PCDHA8: variants seen among roughly 807,000 people sequenced by gnomAD.
The protein encoded by PCDHA8 is protocadherin alpha 8.
In PCDHA8, 53 loss-of-function variants were observed where a neutral mutation model predicts 61.8. That is an observed-to-expected ratio of 0.86 (90% CI 0.69 to 1.08). The LOEUF is 1.08. Ranked by LOEUF, PCDHA8 falls within the 50% of genes least tolerant of loss-of-function variation. The pLI, the probability that PCDHA8 is intolerant of heterozygous loss-of-function variation, is 0.00. For synonymous variants in PCDHA8, 618 were observed against 556.6 expected (o/e 1.11, Z -1.55); for missense variants, 1,293 against 1,245.0 (o/e 1.04, Z -0.58).
chr5:140,863,039 T>A (rs530548492), intron 1 of PCDHA8: 24 of 558,728 alleles, frequency 4.3e-5, no homozygotes, highest in South Asian at 3.2e-4. Flanking sequence ...GCTGCATCTG[T>A]CAGCTGGCAG....
At chr5:140,900,178 T>G (rs972449455) in intron 1 of PCDHA8, among the ~76,000 whole-genome samples, 1 of 152,238 alleles carries the variant, frequency 6.6e-6, no homozygotes, top group East Asian at 1.9e-4. Flanking sequence ...GCCTGGTTTA[T>G]GTCACTTATA....
intron 1 of PCDHA8, among the ~76,000 whole-genome samples, chr5:140,894,199 GC>G (rs2064359112): frequency 6.6e-6 from 1 of 151,732 alleles, no homozygotes; most frequent in Admixed American, 6.6e-5. Context: ...TTTTTTCTAT[GC>G]TATTATATTC....
At chr5:140,943,846 A>C (rs1209903373) in intron 1 of PCDHA8, among the ~76,000 whole-genome samples, 1 of 152,242 alleles carries the variant, frequency 6.6e-6, no homozygotes, top group African/African-American at 2.4e-5. Context: ...GTAAGATGTC[A>C]CAGAAGTCAA....
At chr5:140,992,201 CAG>C (rs1587495213) in intron 3 of PCDHA8, among the ~76,000 whole-genome samples, 1 of 152,256 alleles carries the variant, frequency 6.6e-6, no homozygotes, top group East Asian at 1.9e-4. Context: ...TCTATCCAAT[CAG>C]ATAAACTACT....
chr5:140,900,566 G>A (rs1554189260), intron 1 of PCDHA8, among the ~76,000 whole-genome samples: 1 of 152,054 alleles, frequency 6.6e-6, no homozygotes, highest in Non-Finnish European at 1.5e-5. Flanking sequence ...CGTGAGCCAC[G>A]GCACCGGCCC....
chr5:140,986,220 T>C (rs2097190951), intron 3 of PCDHA8, among the ~76,000 whole-genome samples: 1 of 152,194 alleles, frequency 6.6e-6, no homozygotes, highest in African/African-American at 2.4e-5. Flanking sequence ...CCCCTTTCTC[T>C]AGCCTCCCCT....
intron 1 of PCDHA8, chr5:140,966,833 C>G: frequency 2.6e-6 from 4 of 1,563,480 alleles, no homozygotes; most frequent in Non-Finnish European, 3.5e-6. Flanking sequence ...CATGCCCTGG[C>G]TGCTGCTACT....
At position 140,843,387 on chromosome 5, in the gene PCDHA8, C is replaced by A. The variant is rs2150358876; in HGVS notation, c.2066C>A (p.Pro689Gln). Residue 689 changes from proline to glutamine, a missense_variant, in exon 1 of 4, where the codon CCG (proline) becomes CAG (glutamine). Coordinates refer to ENST00000531613, the MANE Select transcript of PCDHA8 (RefSeq NM_018911.3). Reference sequence around the variant, plus strand: ...AGGCAGTCGGCTGGCGTTTTGGGTCCGGAAGCGGCGCTGGTGGATGTCAAC... The same window carrying A: ...AGGCAGTCGGCTGGCGTTTTGGGTCAGGAAGCGGCGCTGGTGGATGTCAAC... ...SSRQSAGVLGPEAALVDVNVY... is the reference protein window; with the variant it reads ...SSRQSAGVLGQEAALVDVNVY... 2 of 1,595,950 alleles carry A rather than the reference C, an allele frequency of 1.3e-6. No individual in the cohort carries two copies. Among genetic ancestry groups the A allele is most frequent in the East Asian group, 4.5e-5 (2 of 44,818 alleles).
At chr5:140,941,210 T>TCTTC (rs1480454721) in intron 1 of PCDHA8, among the ~76,000 whole-genome samples, 3 of 100,630 alleles carry the variant, frequency 3.0e-5, no homozygotes, top group Non-Finnish European at 5.7e-5. Context: ...TTCCTTTCTT[T>TCTTC]CTTCCTTTCT....
Position 140,842,233 on chromosome 5 carries a change from T to C in PCDHA8, c.912T>C (p.Ile304=), listed in dbSNP as rs2150332327. The change falls in exon 1 of 4, where the codon ATT becomes ATC. Residue 304 remains isoleucine, a synonymous_variant. Transcript: ENST00000531613. ...ATCGAAATACGGGAGAAATAGTGAT[T>C]CGGGGTAATTTGGATTTTGAACAAG... ...SIDRNTGEIV[I]RGNLDFEQEN... is the part of the protein sequence containing the mutation. 1 of 1,612,914 alleles carries C rather than the reference T, an allele frequency of 6.2e-7. No homozygotes were observed. The highest frequency in any genetic ancestry group is 1.7e-5 in the Admixed American group (1 of 60,012).
chr5:140,969,221 C>T, intron 1 of PCDHA8: 2 of 1,614,158 alleles, frequency 1.2e-6, no homozygotes, highest in Non-Finnish European at 1.7e-6. Context: ...AGGACCAGGG[C>T]CTTCGGGAGC....
In PCDHA8 at chr5:140,978,905, T is replaced by C. The variant is rs782532288; in HGVS notation, c.2395-44T>C. 9 of 1,613,632 alleles carry C rather than the reference T, an allele frequency of 5.6e-6. No homozygotes were observed. In the South Asian group the frequency reaches 9.9e-5, roughly 18 times the overall value. On this transcript the variant is annotated intron_variant, in intron 1 of 3. Coordinates refer to ENST00000531613, the MANE Select transcript of PCDHA8 (RefSeq NM_018911.3). ...AATTAGCAGCATTCCTGGGAGAACA[T>C]TGTCTTGTCATTTTAACAGAAAACT...
chr5:140,942,206 T>G (rs916002360), intron 1 of PCDHA8, among the ~76,000 whole-genome samples: 1 of 152,152 alleles, frequency 6.6e-6, no homozygotes, highest in African/African-American at 2.4e-5. Context: ...TTTTTGAGCA[T>G]AAGATATTTA....
At chr5:140,865,760 G>A (rs1470653142) in intron 1 of PCDHA8, 1 of 152,154 alleles carries the variant, frequency 6.6e-6, no homozygotes, top group African/African-American at 2.4e-5. Flanking sequence ...AGTACATGGT[G>A]GAGATATTAT....
At chr5:140,955,477 C>T (rs1401684156) in intron 1 of PCDHA8, among the ~76,000 whole-genome samples, 2 of 152,128 alleles carry the variant, frequency 1.3e-5, no homozygotes, top group African/African-American at 4.8e-5. Context: ...CTTGGCACCT[C>T]TCCTTCCTGC....
At chr5:140,870,990 G>A (rs781832962) in intron 1 of PCDHA8, 2 of 1,613,518 alleles carry the variant, frequency 1.2e-6, no homozygotes, top group South Asian at 1.1e-5. Context: ...ACACGGGCGA[G>A]ATAAGCACAA....
rs569740487 is a variant in PCDHA8, at chr5:140,970,470, G to A, written c.2395-8479G>A. On this transcript the variant is annotated intron_variant, in intron 1 of 3. Transcript: ENST00000531613. Reference sequence around the variant, plus strand: ...AGTTTTGAGATTTAAGTAGGTATAAGGCCAGCTTGTTCATTATTATGAAGA... The same window carrying A: ...AGTTTTGAGATTTAAGTAGGTATAAAGCCAGCTTGTTCATTATTATGAAGA... Among the ~76,000 whole-genome samples the A allele has an allele frequency of 2.6e-5, 4 of 152,238 alleles. No homozygotes were observed. In the South Asian group the frequency reaches 8.3e-4, roughly 32 times the overall value.
At chr5:140,973,886 T>C (rs887432391) in intron 1 of PCDHA8, among the ~76,000 whole-genome samples, 2 of 152,242 alleles carry the variant, frequency 1.3e-5, no homozygotes, top group African/African-American at 4.8e-5. Flanking sequence ...TAATGTCAAT[T>C]TGCAAATGTT....
In PCDHA8 at chr5:140,931,701, A is replaced by G. The variant is rs78657610; in HGVS notation, c.2395-47248A>G. Among the ~76,000 whole-genome samples the G allele has an allele frequency of 8.3e-3, 1,259 of 152,106 alleles. 10 individuals are homozygous for G. Among genetic ancestry groups the G allele is most frequent in the Non-Finnish European group, 0.014 (970 of 67,850 alleles). ...TAAATGAATTGTGATTCATAAAACC[A>G]TGAATAAAATAACTTCTATAAATAT... On this transcript the variant is annotated intron_variant, in intron 1 of 3. Coordinates refer to ENST00000531613, the MANE Select transcript of PCDHA8 (RefSeq NM_018911.3).
Sources: gnomAD v4.1 joint callset for allele counts (sites outside exome capture counted in the v4.1 genomes callset) on GRCh38, gnomAD v4.1.1 for gene constraint, MANE v1.5 for transcripts, NCBI Gene and HGNC (gene_info 2026-07-23, HGNC 2026-07-21) for gene names.